Variants in VWC2 observed in about 807,000 individuals in gnomAD.
The protein encoded by VWC2 is brorin.
Under a neutral mutation model 29.8 loss-of-function variants are expected in VWC2, and 14 were observed. The observed-to-expected ratio is 0.47, with a 90% CI of 0.31 to 0.74. VWC2 has a LOEUF of 0.74. Ranked by LOEUF, VWC2 falls within the 30% of genes least tolerant of loss-of-function variation. VWC2 has a pLI of 0.05. For missense variants in VWC2, 457 were observed against 459.8 expected (o/e 0.99, Z 0.05); for synonymous variants, 213 against 199.0 (o/e 1.07, Z -0.59).
chr7:49,795,691 CATA>C (rs1188597313), intron 2 of VWC2, among the ~76,000 whole-genome samples: 1 of 152,206 alleles, frequency 6.6e-6, no homozygotes, highest in African/African-American at 2.4e-5. Flanking sequence ...TTTCTGTTTT[CATA>C]ATATGTTGTG....
At chr7:49,782,950 C>G (rs1027148920) in intron 2 of VWC2, among the ~76,000 whole-genome samples, 2 of 152,128 alleles carry the variant, frequency 1.3e-5, no homozygotes, top group Non-Finnish European at 2.9e-5. Context: ...CAATTTGAAC[C>G]TGTAAAGCTC....
At chr7:49,907,727 C>G (rs1793182536) in intron 3 of VWC2, among the ~76,000 whole-genome samples, 1 of 152,112 alleles carries the variant, frequency 6.6e-6, no homozygotes, top group South Asian at 2.1e-4. Flanking sequence ...CAACTAAAAA[C>G]TGAGGGTGGA....
rs181015608 is a variant in VWC2, at chr7:49,874,310, T to A, written c.827-37724T>A. ...TCTACCTTTTCTATGGTTAGATATG[T>A]TTAGATACACAAATCTTTACCATTG... is the stretch of plus-strand genomic sequence containing the variant. On this transcript the variant is annotated intron_variant, in intron 3 of 3. Coordinates refer to ENST00000340652, the MANE Select transcript of VWC2 (RefSeq NM_198570.5). 3.9e-5 allele frequency among the ~76,000 whole-genome samples: 6 copies of A among 152,342 alleles called. No homozygotes were observed. The East Asian group carries it at 1.2e-3, about 29-fold the overall frequency.
At position 49,775,692 on chromosome 7, in the gene VWC2, G is replaced by C; in HGVS notation, c.257G>C (p.Gly86Ala). 2 of 1,523,760 alleles carry C rather than the reference G, an allele frequency of 1.3e-6. No homozygotes were observed. The allele number at this position is 1,523,760 out of a possible 1,614,324, so 94.4% of individuals were successfully genotyped here. The change falls in exon 2 of 4, where the codon GGC (glycine) becomes GCC (alanine). Residue 86 changes from glycine to alanine, a missense_variant. By Grantham distance (60) the Gly-to-Ala change is moderately conservative. Around this residue, in one of 2 missense-constraint regions of VWC2, gnomAD observed 272 missense variants for 202.7 expected, o/e 1.34. Coordinates refer to ENST00000340652, the MANE Select transcript of VWC2 (RefSeq NM_198570.5). Reference protein sequence around the residue: ...WKSKSGRGLAGREPWSKLKQA... With the variant: ...WKSKSGRGLAAREPWSKLKQA... The stretch of plus-strand genomic sequence containing the variant: ...AGCAAGAGCGGCCGTGGGCTCGCCG[G>C]CCGTGAGCCGTGGAGCAAGCTGAAG...
intron 2 of VWC2, among the ~76,000 whole-genome samples, chr7:49,786,145 C>T (rs986464197): frequency 1.1e-4 from 17 of 152,198 alleles, no homozygotes; most frequent in Admixed American, 2.6e-4. Context: ...TCCCTCGCCC[C>T]TCTCATAGTC....
chr7:49,775,401 TCCC>T lies in VWC2; in HGVS notation c.-33_-31del. 9.3e-7 allele frequency: 1 copy of T among 1,072,748 alleles called. No individual in the cohort carries two copies. The highest frequency in any genetic ancestry group is 1.2e-6 in the Non-Finnish European group (1 of 829,172). 66.5% of individuals were successfully genotyped at this position (1,072,748 alleles called of 1,614,324 possible). On this transcript the variant is annotated 5_prime_UTR_variant, in exon 2 of 4. Transcript: ENST00000340652. ...AATGCGACTCGCCCCTCGGCCGCGC[TCCC>T]CGCCCGCCCGCCCGCCGGGACGTGG...
At chr7:49,788,475 G>GAT (rs1236916214) in intron 2 of VWC2, among the ~76,000 whole-genome samples, 2 of 151,674 alleles carry the variant, frequency 1.3e-5, no homozygotes, top group East Asian at 3.9e-4. Context: ...GTGTGAGAGA[G>GAT]AGTGTGTGGG....
At chr7:49,830,918 T>C (rs1789511633) in intron 3 of VWC2, among the ~76,000 whole-genome samples, 1 of 152,292 alleles carries the variant, frequency 6.6e-6, no homozygotes, top group South Asian at 2.1e-4. Context: ...CAGTCTATCA[T>C]TGATGGACAT....
chr7:49,859,114 G>A lies in VWC2; in HGVS notation c.827-52920G>A, dbSNP rs369375526. ...ACTTATTTAGGAAGCATACCTTAGA[G>A]GAGAATTTCACTGATGGGGCATGTG... On this transcript the variant is annotated intron_variant, in intron 3 of 3. Transcript: ENST00000340652. 1.5e-3 allele frequency among the ~76,000 whole-genome samples: 236 copies of A among 152,308 alleles called. 3 individuals carry two copies. The highest frequency in any genetic ancestry group is 5.4e-3 in the African/African-American group (226 of 41,580).
chr7:49,778,918 G>A (rs190573539), intron 2 of VWC2, among the ~76,000 whole-genome samples: 88 of 152,320 alleles, frequency 5.8e-4, no homozygotes, highest in Non-Finnish European at 1.0e-3. Context: ...TGGTACAGTC[G>A]GGTCATGCCT....
rs114572729 is a variant in VWC2 at position 49,782,903 on chromosome 7, C to T, written c.696+6772C>T. ...AAAGTGGATAGTATTCTGCATTCCTCTCCCATTATAAGAAGTAAATAAGAT... is the reference window on the plus strand; with the variant it reads ...AAAGTGGATAGTATTCTGCATTCCTTTCCCATTATAAGAAGTAAATAAGAT... On this transcript the variant is annotated intron_variant, in intron 2 of 3. Transcript: ENST00000340652. Among the ~76,000 whole-genome samples, 1,242 of 152,264 alleles carry T rather than the reference C, an allele frequency of 8.2e-3. 18 individuals are homozygous for T. The highest frequency in any genetic ancestry group is 0.029 in the African/African-American group (1,197 of 41,546).
At position 49,894,144 on chromosome 7, in the gene VWC2, G is replaced by A. The variant is rs192772607; in HGVS notation, c.827-17890G>A. On this transcript the variant is annotated intron_variant, in intron 3 of 3. Transcript: ENST00000340652. ...TATGACATAGACACCTATGTGTGTC[G>A]TTTCTAGGCTTTTTCTTTTCTTTCT... Among the ~76,000 whole-genome samples the A allele has an allele frequency of 1.3e-3, 176 of 134,850 alleles. 1 individual carries two copies. The highest frequency in any genetic ancestry group is 1.9e-3 in the Non-Finnish European group (117 of 63,192). 88.5% of individuals were successfully genotyped at this position (134,850 alleles called of 152,430 possible). A position where few individuals can be genotyped will look rare whatever the true frequency, so the allele number is the denominator to read the frequency against.
chr7:49,814,344 C>A (rs1282681797), intron 3 of VWC2, among the ~76,000 whole-genome samples: 1 of 152,128 alleles, frequency 6.6e-6, no homozygotes, highest in Non-Finnish European at 1.5e-5. Flanking sequence ...TCAGATAGTA[C>A]TCCGATCTTT....
At chr7:49,849,182 T>C (rs1039480351) in intron 3 of VWC2, among the ~76,000 whole-genome samples, 6 of 152,208 alleles carry the variant, frequency 3.9e-5, no homozygotes, top group Admixed American at 3.9e-4. Context: ...CTGGATCCCG[T>C]GAAGCCTCGG....
At chr7:49,884,074 C>A (rs1791794272) in intron 3 of VWC2, among the ~76,000 whole-genome samples, 1 of 152,170 alleles carries the variant, frequency 6.6e-6, no homozygotes, top group Non-Finnish European at 1.5e-5. Context: ...CTTCAAGAAC[C>A]CTGAGCACAG....
At chr7:49,810,504 C>T (rs144780077) in intron 3 of VWC2, among the ~76,000 whole-genome samples, 82 of 152,218 alleles carry the variant, frequency 5.4e-4, no homozygotes, top group African/African-American at 1.9e-3. Context: ...CAAATCCCAG[C>T]ATACGTTTTT....
At chr7:49,881,607 T>G (rs1232397351) in intron 3 of VWC2, among the ~76,000 whole-genome samples, 1 of 152,160 alleles carries the variant, frequency 6.6e-6, no homozygotes, top group African/African-American at 2.4e-5. Context: ...TTTGAAATAG[T>G]CTTGTTCCCA....
chr7:49,869,322 A>G (rs531707790), intron 3 of VWC2, among the ~76,000 whole-genome samples: 2 of 152,310 alleles, frequency 1.3e-5, no homozygotes, highest in South Asian at 2.1e-4. Flanking sequence ...CTGGGGGAGA[A>G]TATTAGAGGA....
chr7:49,819,501 A>G (rs1214528282), intron 3 of VWC2, among the ~76,000 whole-genome samples: 1 of 152,226 alleles, frequency 6.6e-6, no homozygotes, highest in Non-Finnish European at 1.5e-5. Flanking sequence ...AAAATACTGC[A>G]TGCTGTTTCT....
Sources: allele counts gnomAD v4.1 joint callset (sites outside exome capture counted in the v4.1 genomes callset), GRCh38; gene constraint gnomAD v4.1.1; regional missense constraint gnomAD v4.1.1; transcripts MANE v1.5; gene names NCBI Gene and HGNC (gene_info 2026-07-23, HGNC 2026-07-21).